TTF2: variants seen among roughly 807,000 people sequenced by gnomAD.
The protein encoded by TTF2 is RNA polymerase II termination factor.
A neutral mutation model predicts 142.4 loss-of-function variants in TTF2; 108 were observed. That is an observed-to-expected ratio of 0.76 (90% CI 0.65 to 0.89). The LOEUF (loss-of-function observed/expected upper bound fraction) is 0.89, where lower values mean the gene tolerates loss of function less well. Among genes scored for constraint, TTF2 ranks in the 40% least tolerant of loss-of-function variants. The pLI, the probability that TTF2 is intolerant of heterozygous loss-of-function variation, is 0.00. For synonymous variants in TTF2, 483 were observed against 506.2 expected (o/e 0.95, Z 0.61); for missense variants, 1,327 against 1,379.8 (o/e 0.96, Z 0.61).
intron 3 of TTF2, among the ~76,000 whole-genome samples, chr1:117,067,755 C>T (rs1656262752): frequency 6.6e-6 from 1 of 152,154 alleles, no homozygotes; most frequent in East Asian, 1.9e-4. Context: ...TATGAGAGTA[C>T]AGCCTTTCCC....
chr1:117,066,868 A>G (rs1656183100), intron 3 of TTF2, among the ~76,000 whole-genome samples: 1 of 151,952 alleles, frequency 6.6e-6, no homozygotes, highest in Non-Finnish European at 1.5e-5. Flanking sequence ...ACGCCCAGCT[A>G]ATTTTTGTAT....
chr1:117,079,606 G>A lies in TTF2; in HGVS notation c.1740G>A (p.Trp580Ter). ...LLLHQKQALA[W>*]LLWRESQKPQ... The stretch of plus-strand genomic sequence containing the variant: ...TACACCAGAAGCAGGCATTGGCTTG[G>A]TTACTATGGCGAGAAAGTCAGAAGC... Residue 580 changes from tryptophan to a stop codon, truncating the protein, a stop_gained, in exon 9 of 23, where the codon TGG becomes TGA. Coordinates refer to ENST00000369466, the MANE Select transcript of TTF2 (RefSeq NM_003594.4). LOFTEE classifies it high-confidence loss of function. This position sits in a 1 kb window ranked among gnomAD's most constrained non-coding sequence, Gnocchi z 4.2. The A allele has an allele frequency of 3.1e-6, 5 of 1,614,216 alleles. No individual in the cohort carries two copies. The highest frequency in any genetic ancestry group is 4.2e-6 in the Non-Finnish European group (5 of 1,180,050).
chr1:117,095,029 C>T (rs1241332865), intron 18 of TTF2, among the ~76,000 whole-genome samples: 1 of 152,136 alleles, frequency 6.6e-6, no homozygotes, highest in African/African-American at 2.4e-5. Flanking sequence ...GAAACGAACC[C>T]AGAGAAGCAG....
intron 18 of TTF2, among the ~76,000 whole-genome samples, chr1:117,094,957 G>A (rs946277233): frequency 2.5e-4 from 38 of 152,174 alleles, no homozygotes; most frequent in African/African-American, 9.2e-4. Context: ...AAGATGGCCA[G>A]TGTGTGATTT....
At chr1:117,062,783 C>G (rs1283409837) in intron 3 of TTF2, among the ~76,000 whole-genome samples, 1 of 152,142 alleles carries the variant, frequency 6.6e-6, no homozygotes, top group East Asian at 1.9e-4. Flanking sequence ...TCTTCTAATT[C>G]TGGTAATAGA....
intron 2 of TTF2, 126 bp from the exon 3 acceptor site, chr1:117,062,261 A>G (rs1157665268): frequency 2.6e-6 from 2 of 778,326 alleles, no homozygotes; most frequent in Non-Finnish European, 4.1e-6. Context: ...AATGTGTGGG[A>G]ATTACAAACC....
Position 117,092,812 on chromosome 1 carries a change from C to T in TTF2, c.2887C>T (p.Leu963Phe), listed in dbSNP as rs1412412548. The T allele has an allele frequency of 5.0e-6, 8 of 1,614,226 alleles. No homozygotes were observed. The highest frequency in any genetic ancestry group is 5.9e-6 in the Non-Finnish European group (7 of 1,180,042). Residue 963 changes from leucine to phenylalanine, a missense_variant, in exon 18 of 23, where the codon CTC (leucine) becomes TTC (phenylalanine). Physicochemically the swap from Leu to Phe is conservative, Grantham distance 22. Transcript: ENST00000369466. This position sits in a 1 kb window ranked among gnomAD's most constrained non-coding sequence, Gnocchi z 4.4. The part of the protein sequence containing the change: ...EQLSALTLSE[L>F]RDSEPSSTVS... ...GCTCAGTGCTTTGACCTTGTCAGAA[C>T]TCCGTGACTCAGAGCCATCTTCCAC... is the stretch of plus-strand genomic sequence containing the variant.
chr1:117,095,392 A>T, intron 19 of TTF2, 25 bp downstream of exon 19: 1 of 1,609,278 alleles, frequency 6.2e-7, no homozygotes. Flanking sequence ...TCATTATCCA[A>T]GTATTGGTCA....
At position 117,090,432 on chromosome 1, in the gene TTF2, C is replaced by T. The variant is rs574570223; in HGVS notation, c.2497-100C>T. The T allele has an allele frequency of 8.9e-5, 111 of 1,246,846 alleles. No homozygotes were observed. The South Asian group carries it at 1.1e-3, about 12-fold the overall frequency. 77.2% of individuals were successfully genotyped at this position (1,246,846 alleles called of 1,614,324 possible). ...CTAAGAAAGGGTGGAAGCTGCATTC[C>T]AGGGTTGACTAGATATGCAGTGTCA... On this transcript the variant is annotated intron_variant, in intron 14 of 22. Coordinates refer to ENST00000369466, the MANE Select transcript of TTF2 (RefSeq NM_003594.4). This position sits in a 1 kb window ranked among gnomAD's most constrained non-coding sequence, Gnocchi z 4.8.
intron 3 of TTF2, among the ~76,000 whole-genome samples, chr1:117,067,132 GA>G (rs978896950): frequency 6.6e-5 from 10 of 152,226 alleles, no homozygotes; most frequent in Non-Finnish European, 1.3e-4. Flanking sequence ...ATAAGACTGA[GA>G]AGGGTTTATT....
At chr1:117,078,333 G>C (rs573100716) in intron 8 of TTF2, among the ~76,000 whole-genome samples, 1 of 152,324 alleles carries the variant, frequency 6.6e-6, no homozygotes, top group East Asian at 1.9e-4. Flanking sequence ...GAACTAGTTG[G>C]GGTGAAAATA....
intron 3 of TTF2, among the ~76,000 whole-genome samples, chr1:117,066,664 G>T (rs190998240): frequency 6.6e-6 from 1 of 151,286 alleles, no homozygotes; most frequent in Non-Finnish European, 1.5e-5. Context: ...GGGATGTGTG[G>T]CAAACACATA....
intron 3 of TTF2, among the ~76,000 whole-genome samples, chr1:117,069,653 G>C (rs1656425257): frequency 6.6e-6 from 1 of 152,194 alleles, no homozygotes; most frequent in South Asian, 2.1e-4. Context: ...ACTGCCACAG[G>C]GGGCAGTCAA....
chr1:117,101,568 T>A lies in TTF2; in HGVS notation c.*44T>A, dbSNP rs1326570201. 29 of 1,502,792 alleles carry A rather than the reference T, an allele frequency of 1.9e-5. No homozygotes were observed. Among genetic ancestry groups the A allele is most frequent in the Non-Finnish European group, 2.6e-5 (29 of 1,130,992 alleles). The allele number at this position is 1,502,792 out of a possible 1,614,324, so 93.1% of individuals were successfully genotyped here. A position where few individuals can be genotyped will look rare whatever the true frequency, so the allele number is the denominator to read the frequency against. ...TCAGAATAGCACCATTGCTGGTTTG[T>A]ATTAGGATCTGGGAATAACAACCTA... On this transcript the variant is annotated 3_prime_UTR_variant, in exon 23 of 23. Coordinates refer to ENST00000369466, the MANE Select transcript of TTF2 (RefSeq NM_003594.4). The surrounding 1 kb of genome is among the most constrained non-coding windows in gnomAD (Gnocchi z 5.9).
At position 117,063,958 on chromosome 1, in the gene TTF2, T is replaced by A. The variant is rs1352570900; in HGVS notation, c.218+1485T>A. 6.6e-6 allele frequency among the ~76,000 whole-genome samples: 1 copy of A among 152,082 alleles called. No individual in the cohort carries two copies. Among genetic ancestry groups the A allele is most frequent in the Non-Finnish European group, 1.5e-5 (1 of 68,024 alleles). Reference sequence around the variant, plus strand: ...CCACTACAGTCAAGGTACTGAAGAGTTCCATCACAGGATCTCTCTGTTGCC... The same window carrying A: ...CCACTACAGTCAAGGTACTGAAGAGATCCATCACAGGATCTCTCTGTTGCC... On this transcript the variant is annotated intron_variant, in intron 3 of 22. Coordinates refer to ENST00000369466, the MANE Select transcript of TTF2 (RefSeq NM_003594.4). The surrounding 1 kb of genome is among the most constrained non-coding windows in gnomAD (Gnocchi z 4.1).
intron 3 of TTF2, among the ~76,000 whole-genome samples, chr1:117,071,099 A>C (rs1021012961): frequency 1.3e-5 from 2 of 152,224 alleles, no homozygotes; most frequent in African/African-American, 2.4e-5. Context: ...AAAGAAAATC[A>C]GAGGCTAACC....
At chr1:117,095,519 T>C in intron 19 of TTF2, 152 bp downstream of exon 19, 1 of 716,992 alleles carries the variant, frequency 1.4e-6, no homozygotes, top group Non-Finnish European at 2.3e-6. Flanking sequence ...AATTAAAATA[T>C]TTGTGGTACA....
intron 3 of TTF2, among the ~76,000 whole-genome samples, chr1:117,072,209 A>T (rs1224931778): frequency 2.6e-5 from 4 of 152,030 alleles, no homozygotes; most frequent in African/African-American, 9.7e-5. Flanking sequence ...ATCTGTATTC[A>T]GCCTTCTTTT....
chr1:117,068,449 C>T (rs1039003171), intron 3 of TTF2, among the ~76,000 whole-genome samples: 12 of 150,942 alleles, frequency 8.0e-5, no homozygotes, highest in South Asian at 2.1e-4. Flanking sequence ...ATGTAAATGA[C>T]GAGTTAATGG....
Sources: gnomAD v4.1 joint callset for allele counts (sites outside exome capture counted in the v4.1 genomes callset) on GRCh38, gnomAD v4.1.1 for gene constraint, Gnocchi (gnomAD v3.1) non-coding constraint, MANE v1.5 for transcripts, NCBI Gene and HGNC (gene_info 2026-07-23, HGNC 2026-07-21) for gene names.